The following IL18BP variants were observed in gnomAD, a reference collection of about 807,000 sequenced individuals.
The protein encoded by IL18BP is interleukin-18-binding protein.
Under a neutral mutation model 19.9 loss-of-function variants are expected in IL18BP, and 23 were observed. The ratio of observed to expected loss-of-function variants is 1.15; its 90% CI spans 0.83 to 1.64. IL18BP has a LOEUF of 1.64. Ranked by LOEUF, IL18BP falls within the 40% of genes most tolerant of loss-of-function variation. The pLI is 0.00. For synonymous variants in IL18BP, 107 were observed against 101.0 expected, an observed-to-expected ratio of 1.06 and a Z score of -0.35; for missense variants, 239 against 240.7, an observed-to-expected ratio of 0.99 and a Z score of 0.05.
downstream of IL18BP, chr11:72,003,500 G>A (rs375109629): frequency 3.2e-5 from 52 of 1,611,550 alleles, 1 homozygote; most frequent in African/African-American, 5.6e-4. Context: ...GGGGACACAG[G>A]TGGGGCCACT....
At position 71,999,938 on chromosome 11, in the gene IL18BP, T is replaced by C. The variant is rs776066572; in HGVS notation, c.-47T>C. 1.2e-6 allele frequency: 2 copies of C among 1,607,826 alleles called. No homozygotes were observed. Among genetic ancestry groups the C allele is most frequent in the Non-Finnish European group, 1.7e-6 (2 of 1,175,140 alleles). ...CCACCTTTCACCAGAGAAGAGGACG[T>C]TGTCACAGATAAAGAGCCAGGCTCA... On this transcript the variant is annotated 5_prime_UTR_variant, in exon 2 of 6. Transcript: ENST00000393703.
downstream of IL18BP, chr11:72,003,475 G>A: frequency 6.3e-7 from 1 of 1,582,990 alleles, no homozygotes. Context: ...CGGAGGACCA[G>A]GTGAGGTCAG....
chr11:72,000,213 G>A, intron 2 of IL18BP, 138 bp from the exon 3 acceptor site: 2 of 882,610 alleles, frequency 2.3e-6, no homozygotes, highest in South Asian at 1.5e-5. Flanking sequence ...AAGGGCTAAG[G>A]GGTGGGTGCT....
At chr11:72,004,524 G>T, downstream of IL18BP, 1 of 1,259,934 alleles carries the variant, frequency 7.9e-7, no homozygotes, top group Non-Finnish European at 1.1e-6. Context: ...CCCTTGGAGA[G>T]AGGGAAAGAG....
At chr11:72,004,703 G>C (rs1274913426), downstream of IL18BP, 2 of 1,613,704 alleles carry the variant, frequency 1.2e-6, no homozygotes, top group Non-Finnish European at 1.7e-6. Context: ...GCCGGGTGGT[G>C]ATGCCAGTGC....
downstream of IL18BP, chr11:72,004,905 G>A (rs753658384): frequency 1.8e-4 from 232 of 1,286,658 alleles, 1 homozygote; most frequent in Non-Finnish European, 2.3e-4. Context: ...ACACTCGCCC[G>A]ACACTTATGG....
chr11:72,005,380 C>T, downstream of IL18BP: 15 of 1,601,554 alleles, frequency 9.4e-6, no homozygotes, highest in Non-Finnish European at 1.2e-5. Flanking sequence ...CTGTGGAAGG[C>T]AGGGAAGTGG....
rs748891182 is a variant in IL18BP, at chr11:72,001,299, G to A, written c.334G>A (p.Gly112Ser). ...GNGSFIEHLP[G>S]RLWEGSTSRE... ...TGGTTCCTTCATTGAGCACCTCCCAGGCCGACTGTGGGAGGGGAGCACCAG... is the reference window on the plus strand; with the variant it reads ...TGGTTCCTTCATTGAGCACCTCCCAAGCCGACTGTGGGAGGGGAGCACCAG... The change falls in exon 4 of 6, where the codon GGC (glycine) becomes AGC (serine). Residue 112 changes from glycine to serine, a missense_variant. Coordinates refer to ENST00000393703, the MANE Select transcript of IL18BP (RefSeq NM_001039660.2). The A allele has an allele frequency of 1.9e-6, 3 of 1,614,224 alleles. No individual in the cohort carries two copies. The highest frequency in any genetic ancestry group is 1.1e-5 in the South Asian group (1 of 91,078).
downstream of IL18BP, chr11:72,007,171 C>CG: frequency 6.2e-7 from 1 of 1,604,188 alleles, no homozygotes; most frequent in Non-Finnish European, 8.5e-7. Context: ...CCTGCAGCCC[C>CG]TGTCCCAGCA....
rs574915172 is a variant in IL18BP, at chr11:72,001,327, G to T, written c.359+3G>T. 1.2e-6 allele frequency: 2 copies of T among 1,614,228 alleles called. No homozygotes were observed. The highest frequency in any genetic ancestry group is 2.2e-5 in the South Asian group (2 of 91,078). On this transcript the variant is annotated splice_donor_region_variant and intron_variant, in intron 4 of 5. Transcript: ENST00000393703. ...CGACTGTGGGAGGGGAGCACCAGGTGAGGGTCGCAGCAGCCAGGTGGGTGG... is the reference window on the plus strand; with the variant it reads ...CGACTGTGGGAGGGGAGCACCAGGTTAGGGTCGCAGCAGCCAGGTGGGTGG...
downstream of IL18BP, chr11:72,004,221 T>C: frequency 6.2e-7 from 1 of 1,610,018 alleles, no homozygotes; most frequent in South Asian, 1.1e-5. Flanking sequence ...AGCCCCAGCC[T>C]CACCTGTTTA....
rs1955315001 is a variant in IL18BP at position 72,002,456 on chromosome 11, A to C, written c.*595A>C. The stretch of plus-strand genomic sequence containing the variant: ...ACTGTTCCAGGGAAGGGATGGGGGC[A>C]GCAGCTGCTTCGGATCCACACTGTA... On this transcript the variant is annotated 3_prime_UTR_variant, in exon 6 of 6. Coordinates refer to ENST00000393703, the MANE Select transcript of IL18BP (RefSeq NM_001039660.2). 6.5e-6 allele frequency: 1 copy of C among 154,002 alleles called. No homozygotes were observed. Among genetic ancestry groups the C allele is most frequent in the Non-Finnish European group, 1.4e-5 (1 of 69,400 alleles). The allele number at this position is 154,002 out of a possible 1,614,324, so 9.5% of individuals were successfully genotyped here.
At chr11:72,000,092 C>A (rs996725333) in intron 2 of IL18BP, 80 bp downstream of exon 2, 5 of 1,504,812 alleles carry the variant, frequency 3.3e-6, no homozygotes, top group African/African-American at 2.8e-5. Context: ...TAACCCGGAG[C>A]CTTCACTCCA....
chr11:72,005,539 T>A, downstream of IL18BP: 2 of 601,784 alleles, frequency 3.3e-6, no homozygotes, highest in Non-Finnish European at 5.7e-6. Flanking sequence ...ACTATTTCTA[T>A]CCTAGGGGCT....
At chr11:72,006,894 C>A (rs1429788645), downstream of IL18BP, among the ~76,000 whole-genome samples, 1 of 152,260 alleles carries the variant, frequency 6.6e-6, no homozygotes, top group African/African-American at 2.4e-5. Flanking sequence ...CTGGGAGGCA[C>A]AGGATGGGCT....
chr11:72,007,547 C>CA (rs1955825701), downstream of IL18BP: 1 of 1,318,092 alleles, frequency 7.6e-7, no homozygotes. Flanking sequence ...TGAGGTCAAG[C>CA]AGCCCATCTC....
chr11:72,000,647 G>T, intron 3 of IL18BP, 90 bp downstream of exon 3: 1 of 1,102,110 alleles, frequency 9.1e-7, no homozygotes, highest in Non-Finnish European at 1.3e-6. Context: ...TTCTGCCCAT[G>T]TACCACCAGC....
chr11:72,003,704 C>T, downstream of IL18BP: 1 of 1,016,858 alleles, frequency 9.8e-7, no homozygotes, highest in Non-Finnish European at 1.5e-6. Context: ...TGGGTGCTCT[C>T]CATGAGAATG....
At chr11:72,007,242 TCTTACGACC>T (rs777720488), downstream of IL18BP, 1 of 1,611,990 alleles carries the variant, frequency 6.2e-7, no homozygotes, top group Non-Finnish European at 8.5e-7. Flanking sequence ...GCGGAGCGGG[TCTTACGACC>T]CGAGTCCAGG....
Sources: allele counts gnomAD v4.1 joint callset (sites outside exome capture counted in the v4.1 genomes callset), GRCh38; gene constraint gnomAD v4.1.1; transcripts MANE v1.5; gene names NCBI Gene and HGNC (gene_info 2026-07-23, HGNC 2026-07-21).